DENND1A: variants seen among roughly 807,000 people sequenced by gnomAD.
The protein encoded by DENND1A is DENN domain-containing protein 1A.
DENND1A carries 51 observed loss-of-function variants against 113.7 expected under a neutral mutation model. The ratio of observed to expected loss-of-function variants is 0.45; its 90% CI spans 0.36 to 0.57. The LOEUF (loss-of-function observed/expected upper bound fraction) is 0.57. Among genes scored for constraint, DENND1A ranks in the 20% least tolerant of loss-of-function variants. The pLI is 0.00. For missense variants in DENND1A, 1,258 were observed against 1,395.9 expected, an observed-to-expected ratio of 0.90 and a Z score of 1.57; for synonymous variants, 565 against 570.8, an observed-to-expected ratio of 0.99 and a Z score of 0.14.
At chr9:123,621,769 GC>G in intron 10 of DENND1A, among the ~76,000 whole-genome samples, 1 of 152,174 alleles carries the variant, frequency 6.6e-6, no homozygotes, top group Non-Finnish European at 1.5e-5. Context: ...ACTTAATCTA[GC>G]ATTGATCTAT....
intron 13 of DENND1A, among the ~76,000 whole-genome samples, chr9:123,543,602 C>T (rs1164296513): frequency 6.6e-6 from 1 of 152,216 alleles, no homozygotes; most frequent in Non-Finnish European, 1.5e-5. Context: ...CCTGCTCCAG[C>T]CACAGGGGCA....
chr9:123,507,027 A>C (rs1453316097), intron 13 of DENND1A, among the ~76,000 whole-genome samples: 3 of 151,924 alleles, frequency 2.0e-5, no homozygotes, highest in Non-Finnish European at 4.4e-5. Context: ...CTCTACTAAA[A>C]ACAATACAAA....
intron 18 of DENND1A, among the ~76,000 whole-genome samples, chr9:123,441,834 T>C (rs4836925): frequency 1 from 152,230 of 152,396 alleles, 76,032 homozygotes; most frequent in Non-Finnish European, 1. Flanking sequence ...ATCAACAAAA[T>C]ATATCCCCTT....
At chr9:123,757,865 AG>A in intron 4 of DENND1A, 43 bp from the exon 5 acceptor site, 1 of 1,601,810 alleles carries the variant, frequency 6.2e-7, no homozygotes, top group Middle Eastern at 1.7e-4. Context: ...ATGTGCAGTA[AG>A]TTTCTTGATA....
chr9:123,483,463 C>G (rs2050522896), intron 13 of DENND1A, among the ~76,000 whole-genome samples: 1 of 152,244 alleles, frequency 6.6e-6, no homozygotes, highest in African/African-American at 2.4e-5. Context: ...CTGGGTCTTG[C>G]AGGCCAGCCT....
intron 9 of DENND1A, among the ~76,000 whole-genome samples, chr9:123,639,250 C>T (rs2061893812): frequency 6.6e-6 from 1 of 151,530 alleles, no homozygotes; most frequent in Admixed American, 6.6e-5. Flanking sequence ...CCAGCCTGGC[C>T]AACAGAGTGA....
chr9:123,390,822 A>G (rs1263784491), intron 21 of DENND1A, among the ~76,000 whole-genome samples: 1 of 152,188 alleles, frequency 6.6e-6, no homozygotes, highest in Non-Finnish European at 1.5e-5. Flanking sequence ...GGCCAAATGG[A>G]GGGAGGCTCT....
rs544444832 is a variant in DENND1A, at chr9:123,595,996, G to C, written c.766-12726C>G. 3.3e-5 allele frequency among the ~76,000 whole-genome samples: 5 copies of C among 152,296 alleles called. No individual in the cohort carries two copies. In the East Asian group the frequency reaches 9.6e-4, roughly 29 times the overall value. On this transcript the variant is annotated intron_variant, in intron 11 of 23. Transcript: ENST00000394215. The stretch of plus-strand genomic sequence containing the variant: ...CTGAAGCAGGCTTCCCACTGCTGCA[G>C]ACTCAGTTTCCTCATGTGTAAAAAG...
intron 11 of DENND1A, among the ~76,000 whole-genome samples, chr9:123,595,769 T>C (rs2059659065): frequency 6.6e-6 from 1 of 152,124 alleles, no homozygotes; most frequent in African/African-American, 2.4e-5. Flanking sequence ...ACATGTTTCA[T>C]ACAGAGTCCA....
Position 123,452,495 on chromosome 9 carries a change from T to C in DENND1A, c.1228-148A>G, listed in dbSNP as rs2047798838. ...ATAGGCCTGGATGATAACTGGTCCCTGCCAGTCAGTTATGGTCATGACAGA... is the reference window on the plus strand; with the variant it reads ...ATAGGCCTGGATGATAACTGGTCCCCGCCAGTCAGTTATGGTCATGACAGA... On this transcript the variant is annotated intron_variant, in intron 16 of 23. Transcript: ENST00000394215. 3 of 679,964 alleles carry C rather than the reference T, an allele frequency of 4.4e-6. No individual in the cohort carries two copies. The South Asian group carries it at 5.3e-5, about 12-fold the overall frequency. 42.1% of individuals were successfully genotyped at this position (679,964 alleles called of 1,614,324 possible).
At chr9:123,419,840 C>G (rs2045091146) in intron 19 of DENND1A, among the ~76,000 whole-genome samples, 1 of 152,164 alleles carries the variant, frequency 6.6e-6, no homozygotes, top group South Asian at 2.1e-4. Flanking sequence ...GTCTCCGATC[C>G]TCTCTGTCCG....
rs564726420 is a variant in DENND1A, at chr9:123,395,294, C to T, written c.1632-7436G>A. On this transcript the variant is annotated intron_variant, in intron 21 of 23. Coordinates refer to ENST00000394215, the MANE Select transcript of DENND1A (RefSeq NM_001352964.2). Reference sequence around the variant, plus strand: ...CCTCTGATTTGCCAGGCAGAAGAGGCGACAGACAAATGGGTCCCGTGTCTT... The same window carrying T: ...CCTCTGATTTGCCAGGCAGAAGAGGTGACAGACAAATGGGTCCCGTGTCTT... Among the ~76,000 whole-genome samples, 10 of 152,152 alleles carry T rather than the reference C, an allele frequency of 6.6e-5. No homozygotes were observed. In the South Asian group the frequency reaches 1.0e-3, roughly 16 times the overall value.
At chr9:123,445,733 G>T (rs954467330) in intron 18 of DENND1A, among the ~76,000 whole-genome samples, 5 of 152,188 alleles carry the variant, frequency 3.3e-5, no homozygotes, top group Admixed American at 3.3e-4. Context: ...AGCCAGGTGT[G>T]ATGGGTGCCT....
At chr9:123,669,928 G>A (rs952046988) in intron 7 of DENND1A, among the ~76,000 whole-genome samples, 1 of 151,996 alleles carries the variant, frequency 6.6e-6, no homozygotes, top group Non-Finnish European at 1.5e-5. Context: ...AAGACCATAG[G>A]CTTGAAGTTA....
chr9:123,803,999 T>C (rs769800693), intron 2 of DENND1A, among the ~76,000 whole-genome samples: 1 of 152,252 alleles, frequency 6.6e-6, no homozygotes, highest in Non-Finnish European at 1.5e-5. Flanking sequence ...ACACCCATGA[T>C]TGCTTCTTCC....
intron 19 of DENND1A, among the ~76,000 whole-genome samples, chr9:123,429,386 T>C (rs2045970672): frequency 6.6e-6 from 1 of 152,102 alleles, no homozygotes. Context: ...TGAAACCCCA[T>C]CTCTACTAAA....
intron 13 of DENND1A, among the ~76,000 whole-genome samples, chr9:123,523,345 G>C (rs966117783): frequency 2.0e-5 from 3 of 152,132 alleles, no homozygotes; most frequent in Admixed American, 6.5e-5. Context: ...CACAAGAACC[G>C]TGCGAGGCGG....
intron 2 of DENND1A, among the ~76,000 whole-genome samples, chr9:123,845,382 A>G (rs1266574566): frequency 6.6e-6 from 1 of 152,072 alleles, no homozygotes; most frequent in Non-Finnish European, 1.5e-5. Flanking sequence ...TTTGGATTGT[A>G]GGCTGGGGAT....
At chr9:123,798,005 T>C (rs1292867737) in intron 2 of DENND1A, among the ~76,000 whole-genome samples, 1 of 152,178 alleles carries the variant, frequency 6.6e-6, no homozygotes, top group African/African-American at 2.4e-5. Context: ...ACAAATGAAA[T>C]TTGTTATTTA....
Sources: gnomAD v4.1 joint callset for allele counts (sites outside exome capture counted in the v4.1 genomes callset) on GRCh38, gnomAD v4.1.1 for gene constraint, MANE v1.5 for transcripts, NCBI Gene and HGNC (gene_info 2026-07-23, HGNC 2026-07-21) for gene names.